Variants in DISP1 observed in about 807,000 individuals in gnomAD.
DISP1 encodes the protein protein dispatched homolog 1.
DISP1 carries 30 observed loss-of-function variants against 37.3 expected under a neutral mutation model. The ratio of observed to expected loss-of-function variants is 0.80; its 90% confidence interval spans 0.60 to 1.09. The LOEUF (loss-of-function observed/expected upper bound fraction) is 1.09. Ranked by LOEUF, DISP1 falls within the 50% of genes least tolerant of loss-of-function variation. DISP1 has a pLI of 0.00. For missense variants in DISP1, 1,598 were observed against 1,879.5 expected (o/e 0.85, Z 2.77); for synonymous variants, 634 against 690.2 (o/e 0.92, Z 1.28).
chr1:222,993,238 T>C (rs1215881498), intron 7 of DISP1, among the ~76,000 whole-genome samples: 1 of 152,158 alleles, frequency 6.6e-6, no homozygotes, highest in African/African-American at 2.4e-5. Context: ...CAAAATTTGC[T>C]GTAACATGGA....
intron 3 of DISP1, among the ~76,000 whole-genome samples, chr1:222,966,025 T>C (rs1676451208): frequency 6.6e-6 from 1 of 152,046 alleles, no homozygotes; most frequent in Non-Finnish European, 1.5e-5. Flanking sequence ...CAAGATCTTG[T>C]CTCTAAATGG....
intron 3 of DISP1, among the ~76,000 whole-genome samples, chr1:222,947,457 C>G (rs1422873841): frequency 6.6e-6 from 1 of 152,064 alleles, no homozygotes; most frequent in Non-Finnish European, 1.5e-5. Flanking sequence ...TTTATCAGTT[C>G]ATTGATGGAC....
rs200029784 is a variant in DISP1 at position 222,944,042 on chromosome 1, AAAC to A, written c.509+725_509+727del. On this transcript the variant is annotated intron_variant, in intron 3 of 8. Coordinates refer to ENST00000675850, the MANE Select transcript of DISP1 (RefSeq NM_001377229.1). ...TGAAACTCAGTCTCCAAGAAAAAAGAAACAACAACAACAACAAAAAAACACCTT... is the reference window on the plus strand; with the variant it reads ...TGAAACTCAGTCTCCAAGAAAAAAGAAACAACAACAACAAAAAAACACCTT... 8.9e-4 allele frequency among the ~76,000 whole-genome samples: 136 copies of A among 152,210 alleles called. 2 individuals carry two copies. Among genetic ancestry groups the A allele is most frequent in the African/African-American group, 2.8e-3 (115 of 41,534 alleles).
rs142901231 is a variant in DISP1, at chr1:222,886,531, G to T, written c.-158-41899G>T. 2.5e-3 allele frequency among the ~76,000 whole-genome samples: 380 copies of T among 152,360 alleles called. 3 individuals are homozygous for T. The highest frequency in any genetic ancestry group is 8.9e-3 in the African/African-American group (371 of 41,592). On this transcript the variant is annotated intron_variant, in intron 1 of 8. Transcript: ENST00000675850. ...ATACCTACATTTCTTCCTTAAGGAG[G>T]ATTAACTTGGTATAGAAGAAGACAA...
chr1:222,966,109 A>AGTTTTACACTGTAAATCAGTGTAAT (rs1490484071), intron 3 of DISP1, among the ~76,000 whole-genome samples: 1 of 152,168 alleles, frequency 6.6e-6, no homozygotes, highest in African/African-American at 2.4e-5. Context: ...TTTACACTGT[A>AGTTTTACACTGTAAATCAGTGTAAT]GTTTTACACT....
chr1:222,832,447 C>T (rs955320377), intron 1 of DISP1, among the ~76,000 whole-genome samples: 1 of 152,126 alleles, frequency 6.6e-6, no homozygotes, highest in Admixed American at 6.5e-5. Context: ...TTTTTGGTTA[C>T]TGGTCCTAAG....
intron 1 of DISP1, among the ~76,000 whole-genome samples, chr1:222,824,426 CT>C (rs1280283824): frequency 6.7e-6 from 1 of 149,048 alleles, no homozygotes; most frequent in Non-Finnish European, 1.5e-5. Flanking sequence ...TAAAGCCCTT[CT>C]GCTTTTGCTT....
rs1687317205 is a variant in DISP1, at chr1:222,990,621, G to A, written c.540-4G>A. On this transcript the variant is annotated splice_region_variant and splice_polypyrimidine_tract_variant and intron_variant, in intron 4 of 8. Transcript: ENST00000675850. ...GATAGCCGACACTTCTTTGTGTTTT[G>A]TAGTTATGCAGCCCTGATAGCCGAC... 7 of 1,613,908 alleles carry A rather than the reference G, an allele frequency of 4.3e-6. No homozygotes were observed. Among genetic ancestry groups the A allele is most frequent in the Non-Finnish European group, 5.1e-6 (6 of 1,179,888 alleles).
chr1:222,868,794 G>T (rs115589438), intron 1 of DISP1, among the ~76,000 whole-genome samples: 1,735 of 152,008 alleles, frequency 0.011, 32 homozygotes, highest in African/African-American at 0.04. Flanking sequence ...AATGTTTAGA[G>T]GTGCTTTCCC....
At chr1:222,946,138 C>T (rs532831343) in intron 3 of DISP1, among the ~76,000 whole-genome samples, 34 of 149,946 alleles carry the variant, frequency 2.3e-4, no homozygotes, top group African/African-American at 3.0e-4. Flanking sequence ...CTTTGGGAGG[C>T]GGAGGCAGGC....
intron 4 of DISP1, among the ~76,000 whole-genome samples, chr1:222,987,195 G>T (rs374661622): frequency 2.0e-5 from 3 of 151,854 alleles, no homozygotes; most frequent in South Asian, 4.2e-4. Flanking sequence ...TTCATATTGC[G>T]CAGGCAACTC....
At chr1:222,852,292 A>AT (rs575007732) in intron 1 of DISP1, among the ~76,000 whole-genome samples, 66 of 148,246 alleles carry the variant, frequency 4.5e-4, no homozygotes, top group Middle Eastern at 3.5e-3. Flanking sequence ...GACTTTTAGT[A>AT]TTTTTTTTTT....
At chr1:222,912,060 C>T (rs1418706992) in intron 1 of DISP1, among the ~76,000 whole-genome samples, 4 of 152,082 alleles carry the variant, frequency 2.6e-5, no homozygotes, top group East Asian at 1.9e-4. Flanking sequence ...GACCATGGGC[C>T]GGAGGAATCT....
chr1:222,884,986 G>A (rs941765898), intron 1 of DISP1, among the ~76,000 whole-genome samples: 3 of 152,030 alleles, frequency 2.0e-5, no homozygotes, highest in Admixed American at 6.6e-5. Flanking sequence ...ACAGGCGCCC[G>A]CCACTACGCC....
At chr1:222,864,704 A>C (rs1669078873) in intron 1 of DISP1, among the ~76,000 whole-genome samples, 1 of 152,198 alleles carries the variant, frequency 6.6e-6, no homozygotes, top group South Asian at 2.1e-4. Flanking sequence ...CACATTTTTC[A>C]CATTTGTCAG....
intron 1 of DISP1, among the ~76,000 whole-genome samples, chr1:222,888,315 T>G (rs1425454603): frequency 6.6e-6 from 1 of 152,182 alleles, no homozygotes; most frequent in African/African-American, 2.4e-5. Flanking sequence ...GGCTACTTAC[T>G]GCATGCATGT....
chr1:222,825,499 C>CTTTTTT (rs954921482), intron 1 of DISP1, among the ~76,000 whole-genome samples: 1 of 131,814 alleles, frequency 7.6e-6, no homozygotes, highest in African/African-American at 2.8e-5. Context: ...ACCTGTTTCT[C>CTTTTTT]TTTTTTTTTT....
intron 3 of DISP1, among the ~76,000 whole-genome samples, chr1:222,963,900 A>C (rs369334909): frequency 1.3e-5 from 2 of 152,328 alleles, no homozygotes; most frequent in African/African-American, 4.8e-5. Flanking sequence ...ATTTTAAAGA[A>C]GAGAAAAAAA....
intron 1 of DISP1, among the ~76,000 whole-genome samples, chr1:222,870,343 T>C (rs554500117): frequency 3.9e-5 from 6 of 152,366 alleles, no homozygotes; most frequent in African/African-American, 7.2e-5. Flanking sequence ...TTTCTAGTTC[T>C]AGATCCCTGA....
Sources: gnomAD v4.1 joint callset for allele counts (sites outside exome capture counted in the v4.1 genomes callset) on GRCh38, gnomAD v4.1.1 for gene constraint, MANE v1.5 for transcripts, NCBI Gene and HGNC (gene_info 2026-07-23, HGNC 2026-07-21) for gene names.